OR1J2: variants seen among roughly 807,000 people sequenced by gnomAD.
OR1J2 encodes olfactory receptor family 1 subfamily J member 2.
For missense variants in OR1J2, 304 were observed against 246.1 expected (o/e 1.24, Z -1.57); for synonymous variants, 142 against 99.7 (o/e 1.42, Z -2.52).
At chr9:122,467,072 G>C in the OR1J2 span, among the ~76,000 whole-genome samples, 3 of 152,096 alleles carry the variant, frequency 2.0e-5, no homozygotes, top group Non-Finnish European at 4.4e-5. Flanking sequence ...TAAGCCACCT[G>C]CCTTGGCCTC....
the OR1J2 span, among the ~76,000 whole-genome samples, chr9:122,483,352 G>T: frequency 2.4e-4 from 36 of 152,152 alleles, no homozygotes; most frequent in African/African-American, 8.7e-4. Context: ...ACAATTAATT[G>T]TTCAATAGCC....
chr9:122,568,639 G>A, the OR1J2 span: 2 of 547,264 alleles, frequency 3.7e-6, no homozygotes, highest in Non-Finnish European at 6.4e-6. Context: ...GTCCTTGATG[G>A]GGTCCTCCCT....
upstream of OR1J2, among the ~76,000 whole-genome samples, chr9:122,508,127 G>GGA (rs954248287): frequency 2.1e-5 from 3 of 145,350 alleles, no homozygotes; most frequent in Non-Finnish European, 3.0e-5. Context: ...AGTGAGGGGG[G>GGA]GAGAGAGAGA....
the OR1J2 span, among the ~76,000 whole-genome samples, chr9:122,468,043 A>G: frequency 6.6e-6 from 1 of 152,222 alleles, no homozygotes; most frequent in Non-Finnish European, 1.5e-5. Flanking sequence ...CTCAAATGTT[A>G]AAGGCAGACT....
the OR1J2 span, among the ~76,000 whole-genome samples, chr9:122,558,842 T>A: frequency 6.6e-6 from 1 of 152,124 alleles, no homozygotes; most frequent in South Asian, 2.1e-4. Context: ...TTCTTTTAAT[T>A]TTCTCTTCTT....
At chr9:122,498,294 G>A in the OR1J2 span, among the ~76,000 whole-genome samples, 1 of 151,932 alleles carries the variant, frequency 6.6e-6, no homozygotes, top group African/African-American at 2.4e-5. Context: ...GTCACTTTAT[G>A]TAATCCCAAG....
the OR1J2 span, among the ~76,000 whole-genome samples, chr9:122,450,323 A>G: frequency 6.6e-6 from 1 of 152,086 alleles, no homozygotes; most frequent in Non-Finnish European, 1.5e-5. Flanking sequence ...CCCAGCTACT[A>G]GGGCGGCTGA....
At chr9:122,571,805 G>A in the OR1J2 span, among the ~76,000 whole-genome samples, 1 of 152,040 alleles carries the variant, frequency 6.6e-6, no homozygotes, top group Non-Finnish European at 1.5e-5. Flanking sequence ...TGGACTTGAG[G>A]CAGAAGATGC....
the OR1J2 span, among the ~76,000 whole-genome samples, chr9:122,492,204 T>G: frequency 3.9e-5 from 6 of 152,072 alleles, no homozygotes; most frequent in Non-Finnish European, 8.8e-5. Flanking sequence ...ACATAAGTCC[T>G]TGACTACCCA....
At chr9:122,530,991 C>T in the OR1J2 span, among the ~76,000 whole-genome samples, 15 of 152,118 alleles carry the variant, frequency 9.9e-5, no homozygotes, top group African/African-American at 3.6e-4. Context: ...TTAGCTTAGG[C>T]TCAGAGGCCT....
the OR1J2 span, among the ~76,000 whole-genome samples, chr9:122,476,370 A>G: frequency 6.6e-6 from 1 of 152,368 alleles, no homozygotes; most frequent in South Asian, 2.1e-4. Context: ...CACATTTTAT[A>G]ACAAATTTAA....
the OR1J2 span, among the ~76,000 whole-genome samples, chr9:122,495,585 G>A: frequency 4.6e-5 from 7 of 151,546 alleles, no homozygotes; most frequent in East Asian, 1.9e-4. Context: ...TTTTCCTTTC[G>A]TATCCTGTAT....
chr9:122,498,632 G>T, the OR1J2 span, among the ~76,000 whole-genome samples: 1 of 152,052 alleles, frequency 6.6e-6, no homozygotes. Context: ...TCATTTCTGA[G>T]ATTCCATTTT....
At chr9:122,486,037 T>C in the OR1J2 span, among the ~76,000 whole-genome samples, 1 of 150,646 alleles carries the variant, frequency 6.6e-6, no homozygotes, top group African/African-American at 2.4e-5. Context: ...CTCGACTCAC[T>C]GCAACCTCTG....
At chr9:122,485,933 AAAT>A in the OR1J2 span, among the ~76,000 whole-genome samples, 1 of 152,018 alleles carries the variant, frequency 6.6e-6, no homozygotes, top group Non-Finnish European at 1.5e-5. Context: ...GGTGATTTTC[AAAT>A]AATATTCACC....
chr9:122,556,950 T>C, the OR1J2 span, among the ~76,000 whole-genome samples: 1 of 152,156 alleles, frequency 6.6e-6, no homozygotes, highest in Non-Finnish European at 1.5e-5. Context: ...GTTTTTCTCA[T>C]ATTAATCTTG....
chr9:122,554,185 C>T, the OR1J2 span: 3 of 1,565,844 alleles, frequency 1.9e-6, no homozygotes, highest in South Asian at 1.2e-5. Flanking sequence ...ACGGTGATGT[C>T]TAATCTTGAT....
chr9:122,518,602 C>G, the OR1J2 span, among the ~76,000 whole-genome samples: 1 of 152,298 alleles, frequency 6.6e-6, no homozygotes, highest in South Asian at 2.1e-4. Flanking sequence ...TTTTTTATGG[C>G]AGTGATATTG....
chr9:122,464,659 G>T, the OR1J2 span, among the ~76,000 whole-genome samples: 11 of 152,218 alleles, frequency 7.2e-5, no homozygotes, highest in Non-Finnish European at 1.0e-4. Flanking sequence ...AAAGATTGGT[G>T]ACTCTTGGAA....
Sources: allele counts gnomAD v4.1 joint callset (sites outside exome capture counted in the v4.1 genomes callset), GRCh38; gene constraint gnomAD v4.1.1; transcripts MANE v1.5; gene names NCBI Gene and HGNC (gene_info 2026-07-23, HGNC 2026-07-21).